Variants in NINL observed in about 807,000 individuals in gnomAD.
NINL encodes ninein like, also known as ninein-like protein.
NINL carries 153 observed loss-of-function variants against 160.3 expected under a neutral mutation model. The ratio of observed to expected loss-of-function variants is 0.95; its 90% CI spans 0.84 to 1.09. The LOEUF (loss-of-function observed/expected upper bound fraction) is 1.09. Ranked by LOEUF, NINL falls within the 50% of genes least tolerant of loss-of-function variation. NINL has a pLI of 0.00. For synonymous variants in NINL, 800 were observed against 734.8 expected, an observed-to-expected ratio of 1.09 and a Z score of -1.43; for missense variants, 1,829 against 1,764.0, an observed-to-expected ratio of 1.04 and a Z score of -0.66.
intron 3 of NINL, 60 bp downstream of exon 3, chr20:25,517,693 T>C: frequency 7.7e-7 from 1 of 1,294,560 alleles, no homozygotes; most frequent in East Asian, 2.5e-5. Flanking sequence ...CATTAGAATA[T>C]TACACTCCAA....
chr20:25,495,314 G>A (rs2063728867), intron 10 of NINL, among the ~76,000 whole-genome samples: 1 of 152,218 alleles, frequency 6.6e-6, no homozygotes, highest in African/African-American at 2.4e-5. Context: ...TCACCCTGGG[G>A]ACTCCGCAGC....
intron 22 of NINL, among the ~76,000 whole-genome samples, chr20:25,456,273 T>C (rs992450195): frequency 8.3e-6 from 1 of 120,666 alleles, no homozygotes; most frequent in South Asian, 2.6e-4. Context: ...AAAAGCCAGG[T>C]GCAGTGGTTC....
intron 21 of NINL, among the ~76,000 whole-genome samples, chr20:25,460,328 G>A (rs1444052679): frequency 6.6e-6 from 1 of 152,296 alleles, no homozygotes; most frequent in Middle Eastern, 3.4e-3. Context: ...TGCTTTGGGG[G>A]AGCGTCTTCC....
intron 1 of NINL, among the ~76,000 whole-genome samples, chr20:25,570,693 A>AATTTTTTTTTTTT (rs1423732606): frequency 2.7e-5 from 2 of 74,102 alleles, no homozygotes; most frequent in Non-Finnish European, 5.3e-5. Context: ...GGGCAAGTAG[A>AATTTTTTTTTTTT]CTTTTTTTTT....
chr20:25,492,862 A>G (rs540871797), intron 10 of NINL, among the ~76,000 whole-genome samples: 1 of 152,196 alleles, frequency 6.6e-6, no homozygotes, highest in African/African-American at 2.4e-5. Context: ...TTTTCCTTTA[A>G]TTGTACTTTC....
chr20:25,569,524 C>A (rs1375442415), intron 1 of NINL, among the ~76,000 whole-genome samples: 1 of 152,200 alleles, frequency 6.6e-6, no homozygotes, highest in Non-Finnish European at 1.5e-5. Context: ...GCAGCTCTTC[C>A]ACAGCAGCCA....
At chr20:25,523,959 T>A (rs767550132) in intron 2 of NINL, among the ~76,000 whole-genome samples, 12 of 152,340 alleles carry the variant, frequency 7.9e-5, no homozygotes, top group Non-Finnish European at 1.8e-4. Context: ...GTATTTGAAC[T>A]GAAAAGCCAA....
At position 25,545,801 on chromosome 20, in the gene NINL, G is replaced by A. The variant is rs1419405237; in HGVS notation, c.-11-19203C>T. Among the ~76,000 whole-genome samples, 3 of 152,112 alleles carry A rather than the reference G, an allele frequency of 2.0e-5. No individual in the cohort carries two copies. In the East Asian group the frequency reaches 5.8e-4, roughly 29 times the overall value. ...CTCCTGCAAAGTTGTCTCTTGTGGGGAAAATCTACATTCTGAAGAGAATCT... is the reference window on the plus strand; with the variant it reads ...CTCCTGCAAAGTTGTCTCTTGTGGGAAAAATCTACATTCTGAAGAGAATCT... On this transcript the variant is annotated intron_variant, in intron 1 of 23. Transcript: ENST00000278886.
chr20:25,561,371 T>C (rs1048426549), intron 1 of NINL, among the ~76,000 whole-genome samples: 1 of 152,102 alleles, frequency 6.6e-6, no homozygotes, highest in East Asian at 1.9e-4. Context: ...TGCAGTGGTG[T>C]GATCTCGGCT....
Position 25,480,196 on chromosome 20 carries a change from G to A in NINL, c.1882C>T (p.His628Tyr), listed in dbSNP as rs1217999913. The change falls in exon 15 of 24, where the codon CAT (histidine) becomes TAT (tyrosine). Residue 628 changes from histidine to tyrosine, a missense_variant. His to Tyr is a moderately conservative substitution (Grantham distance 83). Coordinates refer to ENST00000278886, the MANE Select transcript of NINL (RefSeq NM_025176.6). Reference protein sequence around the residue: ...TELMMEQVKEHYQDLRTQLET... With the variant: ...TELMMEQVKEYYQDLRTQLET... ...AGCTGGGTCCTGAGGTCTTGGTAAT[G>A]CTCCTTTACCTGCTCCATCATCAGC... is the stretch of plus-strand genomic sequence containing the variant. 1 of 1,614,020 alleles carries A rather than the reference G, an allele frequency of 6.2e-7. No homozygotes were observed. The highest frequency in any genetic ancestry group is 1.7e-5 in the Admixed American group (1 of 60,006).
intron 16 of NINL, among the ~76,000 whole-genome samples, chr20:25,477,613 G>A (rs1355176827): frequency 6.6e-6 from 1 of 152,234 alleles, no homozygotes; most frequent in African/African-American, 2.4e-5. Context: ...GCACCAGAAG[G>A]GGTATGTGGT....
chr20:25,501,585 A>G (rs963999829), intron 7 of NINL, among the ~76,000 whole-genome samples: 4 of 152,102 alleles, frequency 2.6e-5, no homozygotes, highest in African/African-American at 7.2e-5. Flanking sequence ...CATCTCCCCA[A>G]CCCACACTAA....
At chr20:25,520,821 A>G (rs1186206493) in intron 2 of NINL, among the ~76,000 whole-genome samples, 5 of 152,200 alleles carry the variant, frequency 3.3e-5, no homozygotes, top group Non-Finnish European at 5.9e-5. Flanking sequence ...TAAAATTATT[A>G]AACTTTTCAT....
chr20:25,486,404 T>C (rs2063504922), intron 13 of NINL, among the ~76,000 whole-genome samples: 1 of 152,200 alleles, frequency 6.6e-6, no homozygotes, highest in Non-Finnish European at 1.5e-5. Context: ...AAGAAGGGTT[T>C]TAAATTTGAA....
intron 9 of NINL, 139 bp downstream of exon 9, chr20:25,498,069 GAC>G: frequency 9.7e-7 from 1 of 1,026,870 alleles, no homozygotes. Context: ...GCACGGGACA[GAC>G]AGTGTGCAGA....
At chr20:25,498,175 A>C in intron 9 of NINL, 35 bp downstream of exon 9, 6 of 1,608,700 alleles carry the variant, frequency 3.7e-6, no homozygotes, top group Non-Finnish European at 5.1e-6. Flanking sequence ...GGCCAGCCAC[A>C]CTGCCACGTT....
At chr20:25,535,244 A>C (rs2064535903) in intron 1 of NINL, among the ~76,000 whole-genome samples, 2 of 152,266 alleles carry the variant, frequency 1.3e-5, no homozygotes, top group South Asian at 4.1e-4. Flanking sequence ...GAGTGAACAG[A>C]AGTGGCCAGG....
chr20:25,498,167 C>A (rs2063796367), intron 9 of NINL, 43 bp downstream of exon 9: 2 of 1,606,288 alleles, frequency 1.2e-6, no homozygotes, highest in Non-Finnish European at 1.7e-6. Flanking sequence ...GCCCACCTGG[C>A]CAGCCACACT....
At chr20:25,465,518 G>A (rs1404746310) in intron 19 of NINL, among the ~76,000 whole-genome samples, 3 of 152,004 alleles carry the variant, frequency 2.0e-5, no homozygotes, top group Admixed American at 6.6e-5. Flanking sequence ...CACCCCCCAC[G>A]ACACTCCTTC....
Sources: gnomAD v4.1 joint callset for allele counts (sites outside exome capture counted in the v4.1 genomes callset) on GRCh38, gnomAD v4.1.1 for gene constraint, MANE v1.5 for transcripts, NCBI Gene and HGNC (gene_info 2026-07-23, HGNC 2026-07-21) for gene names.